The following CCDC171 variants were observed in gnomAD, a reference collection of about 807,000 sequenced individuals.
The protein encoded by CCDC171 is coiled-coil domain containing 171, also known as coiled-coil domain-containing protein 171.
A neutral mutation model predicts 168.2 loss-of-function variants in CCDC171; 177 were observed. The ratio of observed to expected loss-of-function variants is 1.05; its 90% CI spans 0.93 to 1.19. The LOEUF (loss-of-function observed/expected upper bound fraction) is 1.19. Among genes scored for constraint, CCDC171 ranks in the 50% most tolerant of loss-of-function variants. CCDC171 has a pLI of 0.00. For missense variants in CCDC171, 1,991 were observed against 1,539.0 expected (o/e 1.29, Z -4.91); for synonymous variants, 687 against 540.8 (o/e 1.27, Z -3.75).
chr9:15,830,552 A>G (rs1246089608), intron 21 of CCDC171, among the ~76,000 whole-genome samples: 2 of 152,248 alleles, frequency 1.3e-5, no homozygotes, highest in East Asian at 3.8e-4. Context: ...AAGTTCAGAC[A>G]TTGAGAATTA....
In CCDC171 at chr9:15,706,272, TCTTC is replaced by T. The variant is rs1036237351; in HGVS notation, c.1318+10943_1318+10946del. 1.1e-4 allele frequency among the ~76,000 whole-genome samples: 17 copies of T among 149,484 alleles called. 1 individual carries two copies. In the South Asian group the frequency reaches 1.5e-3, roughly 13 times the overall value. ...TCCTTCCTTCCTTCCTTCCTTCCTT[TCTTC>T]CTTCCTTTCTTTTTCTGCATCTTTT... On this transcript the variant is annotated intron_variant, in intron 11 of 25. Transcript: ENST00000380701.
intron 24 of CCDC171, chr9:15,888,996 T>C (rs1819836952): frequency 6.9e-6 from 1 of 144,114 alleles, no homozygotes; most frequent in Non-Finnish European, 1.5e-5. Flanking sequence ...CTTACTTCTG[T>C]CATCCAGACT....
chr9:15,779,276 C>A (rs575672921), intron 20 of CCDC171, 126 bp downstream of exon 20: 1 of 516,346 alleles, frequency 1.9e-6, no homozygotes, highest in Admixed American at 4.3e-5. Context: ...TTAATAACAT[C>A]TCTTTTTCTT....
At chr9:15,605,363 C>G (rs1286439665) in intron 6 of CCDC171, among the ~76,000 whole-genome samples, 1 of 151,744 alleles carries the variant, frequency 6.6e-6, no homozygotes, top group Non-Finnish European at 1.5e-5. Flanking sequence ...AGGACTCTGA[C>G]ACTGATAACT....
chr9:15,640,473 T>G (rs1245707431), intron 7 of CCDC171, among the ~76,000 whole-genome samples: 2 of 152,102 alleles, frequency 1.3e-5, no homozygotes, highest in African/African-American at 4.8e-5. Context: ...TTATGTAAAA[T>G]ATATCATGTT....
chr9:15,650,740 C>A (rs1175125595), intron 7 of CCDC171, among the ~76,000 whole-genome samples: 2 of 152,004 alleles, frequency 1.3e-5, no homozygotes, highest in East Asian at 1.9e-4. Flanking sequence ...TGTATTGTTA[C>A]ATAAAATTTA....
At chr9:15,761,163 T>TA in intron 18 of CCDC171, among the ~76,000 whole-genome samples, 1 of 152,326 alleles carries the variant, frequency 6.6e-6, no homozygotes, top group South Asian at 2.1e-4. Flanking sequence ...ACACATTTCC[T>TA]GTGTAATTAC....
chr9:15,629,329 T>C (rs1224343021), intron 7 of CCDC171, among the ~76,000 whole-genome samples: 1 of 151,986 alleles, frequency 6.6e-6, no homozygotes, highest in African/African-American at 2.4e-5. Context: ...GAGAAGTGCT[T>C]AAAGGAGGTG....
chr9:15,673,498 T>G (rs553373166), intron 9 of CCDC171, among the ~76,000 whole-genome samples: 3 of 152,304 alleles, frequency 2.0e-5, no homozygotes, highest in Admixed American at 1.3e-4. Flanking sequence ...CATATATAGC[T>G]CTTATTATTT....
In CCDC171 at chr9:15,597,425, C is replaced by T. The variant is rs917349117; in HGVS notation, c.675+3253C>T. Reference sequence around the variant, plus strand: ...TAATATGTGGTTTTTGTCTTTGGTTCTGTTTATGTGATGGATTACGTTTAT... The same window carrying T: ...TAATATGTGGTTTTTGTCTTTGGTTTTGTTTATGTGATGGATTACGTTTAT... On this transcript the variant is annotated intron_variant, in intron 6 of 25. Coordinates refer to ENST00000380701, the MANE Select transcript of CCDC171 (RefSeq NM_173550.4). 3.0e-4 allele frequency among the ~76,000 whole-genome samples: 45 copies of T among 152,232 alleles called. 1 individual carries two copies. The highest frequency in any genetic ancestry group is 1.2e-3 in the Admixed American group (18 of 15,274).
intron 6 of CCDC171, among the ~76,000 whole-genome samples, chr9:16,030,537 G>A (rs1328278): frequency 0.37 from 56,350 of 152,054 alleles, 12,280 homozygotes; most frequent in East Asian, 0.63. Context: ...GGTTTAGATT[G>A]AGAATATGAA....
At chr9:15,672,773 GT>G (rs1290770473) in intron 9 of CCDC171, among the ~76,000 whole-genome samples, 1 of 152,180 alleles carries the variant, frequency 6.6e-6, no homozygotes, top group African/African-American at 2.4e-5. Context: ...ATAGTTTAAA[GT>G]CAGATAGCGT....
chr9:15,700,606 A>T (rs973556827), intron 11 of CCDC171, among the ~76,000 whole-genome samples: 2 of 152,154 alleles, frequency 1.3e-5, no homozygotes, highest in Non-Finnish European at 2.9e-5. Flanking sequence ...TCACCTCTCA[A>T]TATGGTAGCT....
chr9:15,583,148 G>C (rs1470969496), intron 4 of CCDC171, among the ~76,000 whole-genome samples: 1 of 152,124 alleles, frequency 6.6e-6, no homozygotes, highest in East Asian at 1.9e-4. Flanking sequence ...TGGGCGCGGT[G>C]GCTCACGCCT....
intron 2 of CCDC171, among the ~76,000 whole-genome samples, chr9:15,569,504 T>C (rs928388306): frequency 1.4e-4 from 22 of 152,228 alleles, no homozygotes; most frequent in African/African-American, 5.1e-4. Flanking sequence ...TCTTGGACAG[T>C]CTTCTAATTT....
chr9:16,103,494 T>C, the CCDC171 span, among the ~76,000 whole-genome samples: 8 of 152,370 alleles, frequency 5.3e-5, no homozygotes, highest in East Asian at 1.5e-3. Context: ...AAGCAAGTGA[T>C]GGGCAATGTT....
chr9:15,733,186 G>T (rs1019006210), intron 16 of CCDC171, among the ~76,000 whole-genome samples: 24 of 152,020 alleles, frequency 1.6e-4, no homozygotes, highest in African/African-American at 4.6e-4. Flanking sequence ...GTCAAATTTT[G>T]AGAGTTATTT....
chr9:15,570,384 AG>A lies in CCDC171; in HGVS notation c.42-1239del, dbSNP rs2040129944. ...CCTATTTTTTTTAGTAGACAATGTT[AG>A]TTTTTTTTTTCCCCTCTTCTAAGTT... is the stretch of plus-strand genomic sequence containing the variant. On this transcript the variant is annotated intron_variant, in intron 2 of 25. Transcript: ENST00000380701. 6.0e-5 allele frequency among the ~76,000 whole-genome samples: 9 copies of A among 150,448 alleles called. No individual in the cohort carries two copies. In the South Asian group the frequency reaches 1.7e-3, roughly 28 times the overall value.
At chr9:16,012,666 C>T (rs1832901757) in intron 3 of CCDC171, among the ~76,000 whole-genome samples, 1 of 151,426 alleles carries the variant, frequency 6.6e-6, no homozygotes, top group African/African-American at 2.4e-5. Context: ...GTATCAGACT[C>T]TTGCAGAATA....
Sources: gnomAD v4.1 joint callset for allele counts (sites outside exome capture counted in the v4.1 genomes callset) on GRCh38, gnomAD v4.1.1 for gene constraint, MANE v1.5 for transcripts, NCBI Gene and HGNC (gene_info 2026-07-23, HGNC 2026-07-21) for gene names.